Variants in TTLL7 observed in about 807,000 individuals in gnomAD.
TTLL7 encodes tubulin tyrosine ligase like 7, also known as tubulin polyglutamylase TTLL7.
Under a neutral mutation model 120.2 loss-of-function variants are expected in TTLL7, and 53 were observed. The observed-to-expected ratio is 0.44, with a 90% confidence interval of 0.35 to 0.55. The LOEUF (loss-of-function observed/expected upper bound fraction) is 0.55, where lower values mean the gene tolerates loss of function less well. Ranked by LOEUF, TTLL7 falls within the 20% of genes least tolerant of loss-of-function variation. The pLI is 0.00. For missense variants in TTLL7, 803 were observed against 1,054.7 expected, an observed-to-expected ratio of 0.76 and a Z score of 3.31; for synonymous variants, 353 against 351.7, an observed-to-expected ratio of 1.00 and a Z score of -0.04.
intron 1 of TTLL7, among the ~76,000 whole-genome samples, chr1:83,957,157 C>G (rs1303521969): frequency 6.6e-6 from 1 of 151,926 alleles, no homozygotes; most frequent in Admixed American, 6.6e-5. Context: ...TCTTTCCACC[C>G]CTAAAGTCTA....
rs1365607428 is a variant in TTLL7 at position 83,883,056 on chromosome 1, T to A, written c.2450A>T (p.Glu817Val). 1 of 1,612,554 alleles carries A rather than the reference T, an allele frequency of 6.2e-7. No individual in the cohort carries two copies. The highest frequency in any genetic ancestry group is 8.5e-7 in the Non-Finnish European group (1 of 1,179,222). ...CACTAGCAGGCACTGTTTACAAAGC[T>A]CCACTAGGCGCTGGCAACACTGGAG... ...LQLQCCQRLVELCKQCLLVVY... is the reference protein window; with the variant it reads ...LQLQCCQRLVVLCKQCLLVVY... Residue 817 changes from glutamate (E) to valine (V), a missense_variant, in exon 20 of 21, where the codon GAG becomes GTG. Physicochemically the swap from Glu to Val is moderately radical, Grantham distance 121. This residue lies in a region of TTLL7 where 388 missense variants were observed against 450.4 expected (regional missense o/e 0.86). Coordinates refer to ENST00000260505, the MANE Select transcript of TTLL7 (RefSeq NM_024686.6).
Position 83,883,122 on chromosome 1 carries a change from C to T in TTLL7, c.2384G>A (p.Ser795Asn). 6.2e-7 allele frequency: 1 copy of T among 1,605,186 alleles called. No homozygotes were observed. The highest frequency in any genetic ancestry group is 8.5e-7 in the Non-Finnish European group (1 of 1,176,124). ...CFCDSGSSWE[S>N]IFNKSPEVVT... Reference sequence around the variant, plus strand: ...CACCTCCGGGCTTTTATTGAATATACTCTCCCAAGAGGATCTGTTGGCATG... The same window carrying T: ...CACCTCCGGGCTTTTATTGAATATATTCTCCCAAGAGGATCTGTTGGCATG... The change falls in exon 20 of 21, where the codon AGT becomes AAT. Residue 795 changes from serine to asparagine, a missense_variant. Physicochemically the swap from Ser to Asn is conservative, Grantham distance 46. This residue lies in a region of TTLL7 where 388 missense variants were observed against 450.4 expected (regional missense o/e 0.86). Coordinates refer to ENST00000260505, the MANE Select transcript of TTLL7 (RefSeq NM_024686.6).
At chr1:83,978,264 G>A (rs540856208) in intron 1 of TTLL7, among the ~76,000 whole-genome samples, 15 of 152,206 alleles carry the variant, frequency 9.9e-5, no homozygotes, top group South Asian at 2.1e-4. Context: ...AAATGTGCCC[G>A]AGGGAATATA....
intron 17 of TTLL7, among the ~76,000 whole-genome samples, chr1:83,905,135 T>C (rs955563100): frequency 6.6e-6 from 1 of 151,908 alleles, no homozygotes; most frequent in African/African-American, 2.4e-5. Flanking sequence ...ATATAGAAAA[T>C]TTTATCAAAT....
At chr1:83,871,609 G>A (rs751173025) in intron 20 of TTLL7, among the ~76,000 whole-genome samples, 24 of 151,936 alleles carry the variant, frequency 1.6e-4, no homozygotes, top group Non-Finnish European at 2.8e-4. Context: ...AATTCTCCAG[G>A]GATAGGCCGG....
At chr1:83,896,939 C>G (rs1656274381) in intron 18 of TTLL7, among the ~76,000 whole-genome samples, 2 of 152,016 alleles carry the variant, frequency 1.3e-5, no homozygotes, top group Admixed American at 6.6e-5. Context: ...GCATTCTTGG[C>G]AGAAAGCTAA....
chr1:83,956,161 T>C (rs1649491014), intron 1 of TTLL7, among the ~76,000 whole-genome samples: 1 of 152,136 alleles, frequency 6.6e-6, no homozygotes, highest in Admixed American at 6.5e-5. Context: ...GAGACAATCA[T>C]AGCTCACCGT....
chr1:83,978,886 C>G lies in TTLL7; in HGVS notation c.-177+20045G>C, dbSNP rs1328416585. ...TGGAGCGTGAGATAAATAAACTTGA[C>G]TCTGAACTGATTCTTAATTTATTCA... On this transcript the variant is annotated intron_variant, in intron 1 of 20. Coordinates refer to ENST00000260505, the MANE Select transcript of TTLL7 (RefSeq NM_024686.6). 2.0e-5 allele frequency among the ~76,000 whole-genome samples: 3 copies of G among 152,136 alleles called. No homozygotes were observed. In the South Asian group the frequency reaches 6.2e-4, roughly 32 times the overall value.
Position 83,892,367 on chromosome 1 carries a change from TAC to T in TTLL7, c.2209-1888_2209-1887del, listed in dbSNP as rs1221527505. Among the ~76,000 whole-genome samples, 398 of 127,226 alleles carry T rather than the reference TAC, an allele frequency of 3.1e-3. 9 individuals carry two copies. The highest frequency in any genetic ancestry group is 9.1e-3 in the African/African-American group (304 of 33,324). The allele number at this position is 127,226 out of a possible 152,430, so 83.5% of individuals were successfully genotyped here. A position where few individuals can be genotyped will look rare whatever the true frequency, so the allele number is the denominator to read the frequency against. On this transcript the variant is annotated intron_variant, in intron 18 of 20. Transcript: ENST00000260505. The stretch of plus-strand genomic sequence containing the variant: ...ATATACGAATATATATGAATATATA[TAC>T]GAATATATATGAATATATATACGAA...
chr1:83,892,724 G>GAACATATGAA (rs1282968892), intron 18 of TTLL7, among the ~76,000 whole-genome samples: 2 of 13,876 alleles, frequency 1.4e-4, no homozygotes, highest in South Asian at 5.2e-3. Flanking sequence ...ACATATATAT[G>GAACATATGAA]TGAACACATA....
chr1:83,923,040 G>A (rs1398542936), intron 10 of TTLL7, among the ~76,000 whole-genome samples: 3 of 150,680 alleles, frequency 2.0e-5, no homozygotes, highest in East Asian at 3.9e-4. Flanking sequence ...TCTGATTTTA[G>A]TGAGTCCACT....
intron 1 of TTLL7, among the ~76,000 whole-genome samples, chr1:83,996,357 C>T (rs1366405525): frequency 6.6e-6 from 1 of 152,162 alleles, no homozygotes; most frequent in Non-Finnish European, 1.5e-5. Flanking sequence ...ATTAACAGAT[C>T]AGAAACAGAT....
At chr1:83,893,846 A>C (rs936168598) in intron 18 of TTLL7, among the ~76,000 whole-genome samples, 39 of 152,094 alleles carry the variant, frequency 2.6e-4, no homozygotes, top group African/African-American at 8.9e-4. Context: ...GGTGTGTCCT[A>C]GGGGAAGGGG....
At chr1:83,926,262 T>C (rs1232871609) in intron 10 of TTLL7, among the ~76,000 whole-genome samples, 1 of 152,064 alleles carries the variant, frequency 6.6e-6, no homozygotes, top group Non-Finnish European at 1.5e-5. Flanking sequence ...TTGGGCAATA[T>C]TGAATTTAAG....
intron 1 of TTLL7, among the ~76,000 whole-genome samples, chr1:83,998,346 C>A: frequency 6.6e-6 from 1 of 152,178 alleles, no homozygotes; most frequent in Non-Finnish European, 1.5e-5. Flanking sequence ...CAAACCCACC[C>A]AGAATACAAG....
intron 6 of TTLL7, among the ~76,000 whole-genome samples, chr1:83,943,003 A>G (rs1482027172): frequency 6.6e-6 from 1 of 151,542 alleles, no homozygotes. Context: ...CATTTTCAAT[A>G]CCAGTACGGT....
At chr1:83,991,929 C>T (rs1653040165) in intron 1 of TTLL7, among the ~76,000 whole-genome samples, 4 of 152,056 alleles carry the variant, frequency 2.6e-5, no homozygotes, top group Admixed American at 1.3e-4. Context: ...GTTCTAAAAA[C>T]AAAATTCACA....
intron 3 of TTLL7, among the ~76,000 whole-genome samples, 182 bp downstream of exon 3, chr1:83,951,663 A>G (rs557389061): frequency 3.1e-4 from 47 of 152,214 alleles, no homozygotes; most frequent in Non-Finnish European, 6.5e-4. Flanking sequence ...CTTTTTAAGG[A>G]TATCATCTTC....
intron 13 of TTLL7, among the ~76,000 whole-genome samples, chr1:83,918,240 T>C (rs1658354410): frequency 2.0e-5 from 3 of 152,190 alleles, no homozygotes; most frequent in South Asian, 4.1e-4. Flanking sequence ...GTTTTCATTC[T>C]ATAGTCATCA....
Sources: gnomAD v4.1 joint callset for allele counts (sites outside exome capture counted in the v4.1 genomes callset) on GRCh38, gnomAD v4.1.1 for gene constraint, gnomAD v4.1.1 regional missense constraint, MANE v1.5 for transcripts, NCBI Gene and HGNC (gene_info 2026-07-23, HGNC 2026-07-21) for gene names.